The following DCDC1 variants were observed in gnomAD, a reference collection of about 807,000 sequenced individuals.
DCDC1 encodes the protein doublecortin domain containing 1.
Under a neutral mutation model 178.3 loss-of-function variants are expected in DCDC1, and 200 were observed. The observed-to-expected ratio is 1.12, with a 90% CI of 1.00 to 1.26. The LOEUF is 1.26. Among genes scored for constraint, DCDC1 ranks in the 50% most tolerant of loss-of-function variants. The pLI, the probability that DCDC1 is intolerant of heterozygous loss-of-function variation, is 0.00. For missense variants in DCDC1, 1,983 were observed against 1,749.2 expected, an observed-to-expected ratio of 1.13 and a Z score of -2.38; for synonymous variants, 690 against 604.8, an observed-to-expected ratio of 1.14 and a Z score of -2.07.
At chr11:30,889,524 C>A (rs181629359) in intron 36 of DCDC1, among the ~76,000 whole-genome samples, 18 of 152,276 alleles carry the variant, frequency 1.2e-4, no homozygotes, top group African/African-American at 4.1e-4. Context: ...TAGCCAGACA[C>A]CCCCAGTGAA....
chr11:31,188,501 T>C (rs939497327), intron 9 of DCDC1, among the ~76,000 whole-genome samples: 1 of 152,214 alleles, frequency 6.6e-6, no homozygotes, highest in East Asian at 1.9e-4. Flanking sequence ...CAACTTACCA[T>C]AGAATATATA....
At chr11:31,100,872 C>T (rs761103577) in intron 15 of DCDC1, among the ~76,000 whole-genome samples, 9 of 152,096 alleles carry the variant, frequency 5.9e-5, no homozygotes, top group Non-Finnish European at 1.0e-4. Context: ...AGGATCAGAT[C>T]TACAGTAAAT....
chr11:31,230,488 A>G, intron 9 of DCDC1, among the ~76,000 whole-genome samples: 1 of 152,190 alleles, frequency 6.6e-6, no homozygotes, highest in Non-Finnish European at 1.5e-5. Flanking sequence ...CTAACTCAGC[A>G]ACAGTCAAGC....
intron 12 of DCDC1, among the ~76,000 whole-genome samples, chr11:31,108,041 G>A (rs1046639205): frequency 2.6e-5 from 4 of 152,150 alleles, no homozygotes; most frequent in Non-Finnish European, 4.4e-5. Context: ...AGGAAAGAAG[G>A]GAAAGTCACA....
chr11:31,190,038 T>C (rs939924647), intron 9 of DCDC1, among the ~76,000 whole-genome samples: 8 of 152,160 alleles, frequency 5.3e-5, no homozygotes, highest in African/African-American at 1.9e-4. Flanking sequence ...TGACGAGTAA[T>C]ACAAAATGGT....
intron 13 of DCDC1, among the ~76,000 whole-genome samples, chr11:31,105,965 T>C (rs1591063134): frequency 6.6e-6 from 1 of 152,128 alleles, no homozygotes; most frequent in Admixed American, 6.6e-5. Flanking sequence ...CTAAAAAAAT[T>C]AAAAATAGAG....
intron 20 of DCDC1, among the ~76,000 whole-genome samples, chr11:31,050,253 C>T (rs1042697057): frequency 2.6e-5 from 4 of 152,102 alleles, no homozygotes; most frequent in African/African-American, 9.7e-5. Context: ...CCCTGACAAC[C>T]TGCATGACTC....
At chr11:31,213,481 G>A (rs943262661) in intron 9 of DCDC1, among the ~76,000 whole-genome samples, 1 of 151,934 alleles carries the variant, frequency 6.6e-6, no homozygotes. Flanking sequence ...CAGCACTTTG[G>A]GAGGCCGAGA....
chr11:30,989,333 T>C (rs1320090389), intron 20 of DCDC1, among the ~76,000 whole-genome samples: 1 of 152,240 alleles, frequency 6.6e-6, no homozygotes, highest in African/African-American at 2.4e-5. Context: ...TTTCATTTAA[T>C]GTGAGTGAAA....
intron 1 of DCDC1, among the ~76,000 whole-genome samples, chr11:31,361,639 C>A (rs1951714690): frequency 6.6e-6 from 1 of 152,154 alleles, no homozygotes; most frequent in Non-Finnish European, 1.5e-5. Flanking sequence ...CACCACCACA[C>A]CCGGCTAATT....
At chr11:30,952,344 G>T in intron 21 of DCDC1, 101 bp downstream of exon 21, 2 of 1,086,670 alleles carry the variant, frequency 1.8e-6, no homozygotes, top group Non-Finnish European at 2.5e-6. Context: ...GCACCTAACA[G>T]CTGCAATTCA....
At chr11:31,280,375 G>C (rs1403990365) in intron 7 of DCDC1, among the ~76,000 whole-genome samples, 1 of 152,132 alleles carries the variant, frequency 6.6e-6, no homozygotes, top group African/African-American at 2.4e-5. Flanking sequence ...TTTTAAGATG[G>C]CATTCACCAT....
intron 3 of DCDC1, among the ~76,000 whole-genome samples, chr11:31,323,964 G>T (rs1011689177): frequency 8.5e-5 from 13 of 152,134 alleles, no homozygotes; most frequent in Non-Finnish European, 1.3e-4. Context: ...TAGAAAATGA[G>T]TAATAAAAGT....
Position 31,293,325 on chromosome 11 carries a change from C to T in DCDC1, c.755-2473G>A, listed in dbSNP as rs566985849. ...GTGACAGAAAAGGCTGAGAAGCAAC[C>T]GAAGGACAGTTAGGCCACCCAGAAA... is the stretch of plus-strand genomic sequence containing the variant. On this transcript the variant is annotated intron_variant, in intron 6 of 38. Coordinates refer to ENST00000684477, the MANE Select transcript of DCDC1 (RefSeq NM_001387274.1). Among the ~76,000 whole-genome samples the T allele has an allele frequency of 2.0e-5, 3 of 152,116 alleles. No individual in the cohort carries two copies. The South Asian group carries it at 6.2e-4, about 32-fold the overall frequency.
chr11:31,336,730 T>C (rs1210737892), intron 1 of DCDC1, among the ~76,000 whole-genome samples: 2 of 152,250 alleles, frequency 1.3e-5, no homozygotes, highest in African/African-American at 2.4e-5. Context: ...CTGAGACATA[T>C]GGCTGCCTAA....
intron 32 of DCDC1, among the ~76,000 whole-genome samples, chr11:30,903,240 A>G (rs1160742325): frequency 6.6e-6 from 1 of 152,140 alleles, no homozygotes; most frequent in East Asian, 1.9e-4. Context: ...ATTTTTATTA[A>G]TTATATGCAG....
chr11:31,140,054 TTAA>T (rs1201341650), intron 9 of DCDC1, among the ~76,000 whole-genome samples: 8 of 152,198 alleles, frequency 5.3e-5, no homozygotes, highest in Admixed American at 5.2e-4. Flanking sequence ...GCCTGAGGTA[TTAA>T]TAATATGCAG....
At chr11:31,265,128 T>C (rs1945065318) in intron 8 of DCDC1, among the ~76,000 whole-genome samples, 1 of 152,212 alleles carries the variant, frequency 6.6e-6, no homozygotes, top group South Asian at 2.1e-4. Context: ...GAATAAGCTC[T>C]AGAAGTTGAC....
intron 23 of DCDC1, among the ~76,000 whole-genome samples, chr11:30,923,902 C>T (rs1026086798): frequency 6.6e-6 from 1 of 152,150 alleles, no homozygotes; most frequent in Non-Finnish European, 1.5e-5. Context: ...CAGGTATGAG[C>T]CACTGCACCC....
Sources: gnomAD v4.1 joint callset for allele counts (sites outside exome capture counted in the v4.1 genomes callset) on GRCh38, gnomAD v4.1.1 for gene constraint, MANE v1.5 for transcripts, NCBI Gene and HGNC (gene_info 2026-07-23, HGNC 2026-07-21) for gene names.